The following CFAP410 variants were observed in gnomAD, a reference collection of about 807,000 sequenced individuals.
The protein encoded by CFAP410 is cilia and flagella associated protein 410.
Under a neutral mutation model 25.7 loss-of-function variants are expected in CFAP410, and 27 were observed. The ratio of observed to expected loss-of-function variants is 1.05; its 90% CI spans 0.77 to 1.45. The LOEUF is 1.45. Among genes scored for constraint, CFAP410 ranks in the 40% most tolerant of loss-of-function variants. CFAP410 has a pLI of 0.00. For missense variants in CFAP410, 428 were observed against 354.1 expected, an observed-to-expected ratio of 1.21 and a Z score of -1.67; for synonymous variants, 178 against 158.4, an observed-to-expected ratio of 1.12 and a Z score of -0.93.
At chr21:44,338,222 G>A (rs1159447301) in intron 1 of CFAP410, 12 of 1,200,688 alleles carry the variant, frequency 1.0e-5, no homozygotes, top group Non-Finnish European at 1.3e-5. Flanking sequence ...TAATTAACAG[G>A]GAAGAGCTCA....
intron 3 of CFAP410, chr21:44,333,872 C>T (rs1489587139): frequency 2.8e-6 from 1 of 355,270 alleles, no homozygotes; most frequent in African/African-American, 2.1e-5. Flanking sequence ...TCCCGCAGGC[C>T]CTCAAAGGCG....
rs540448415 is a variant in CFAP410 at position 44,339,200 on chromosome 21, C to T, written c.-6G>A. 6.9e-6 allele frequency: 10 copies of T among 1,444,554 alleles called. No homozygotes were observed. Among genetic ancestry groups the T allele is most frequent in the Admixed American group, 5.6e-5 (2 of 35,402 alleles). The allele number at this position is 1,444,554 out of a possible 1,614,324, so 89.5% of individuals were successfully genotyped here. Reference sequence around the variant, plus strand: ...ATCTTCCGCGTCAGCTTCATGGCGGCCGCCCAGGCCCGACCGGCGGGCGCC... The same window carrying T: ...ATCTTCCGCGTCAGCTTCATGGCGGTCGCCCAGGCCCGACCGGCGGGCGCC... On this transcript the variant is annotated 5_prime_UTR_variant, in exon 1 of 7. Transcript: ENST00000339818.
intron 3 of CFAP410, chr21:44,334,224 C>T (rs59596996): frequency 0.039 from 17,924 of 456,262 alleles, 2,210 homozygotes; most frequent in African/African-American, 0.28. Flanking sequence ...GTCAACACCC[C>T]TGGGGTCCTG....
intron 3 of CFAP410, chr21:44,334,520 CCCCCCCCCCCCCCG>C (rs2047715651): frequency 5.8e-6 from 1 of 173,268 alleles, no homozygotes; most frequent in Admixed American, 8.0e-5. Context: ...CACGCGCACC[CCCCCCCCCCCCCCG>C]CTCAACCTCT....
chr21:44,330,587 A>G lies in CFAP410; in HGVS notation c.642+236T>C, dbSNP rs747087043. 21 of 1,549,884 alleles carry G rather than the reference A, an allele frequency of 1.4e-5. No homozygotes were observed. The South Asian group carries it at 2.4e-4, about 18-fold the overall frequency. The stretch of plus-strand genomic sequence containing the variant: ...GGGCCCACATTCCACAGACCAGGAC[A>G]GCAGGAGAGGCTGAGGGGCCAGGAC... On this transcript the variant is annotated intron_variant, in intron 6 of 6. Coordinates refer to ENST00000339818, the MANE Select transcript of CFAP410 (RefSeq NM_004928.3).
At chr21:44,334,347 C>T (rs1221706349) in intron 3 of CFAP410, 1 of 440,676 alleles carries the variant, frequency 2.3e-6, no homozygotes, top group South Asian at 1.6e-5. Flanking sequence ...GATCCACAGC[C>T]CCGCCCCAAG....
At chr21:44,330,668 C>T (rs2047629118) in intron 6 of CFAP410, 155 bp downstream of exon 6, 1 of 1,548,460 alleles carries the variant, frequency 6.5e-7, no homozygotes, top group East Asian at 2.4e-5. Context: ...CCCGCACACG[C>T]AGCTCCCCCT....
chr21:44,338,163 G>A (rs1224943686), intron 1 of CFAP410: 5 of 725,226 alleles, frequency 6.9e-6, no homozygotes, highest in Non-Finnish European at 9.5e-6. Flanking sequence ...AATGACACGG[G>A]AATTGTAGCC....
In CFAP410 at chr21:44,330,295, C is replaced by CGCA. The variant is rs767848858; in HGVS notation, c.671_673dup (p.Leu224dup). The CGCA allele has an allele frequency of 2.1e-4, 335 of 1,610,008 alleles. No individual in the cohort carries two copies. The highest frequency in any genetic ancestry group is 1.2e-4 in the Non-Finnish European group (145 of 1,178,758). Reference sequence around the variant, plus strand: ...CTCCAGCCCCTCTGCATCCAGCTCCCGCAGCAGCAGCAGGATGGCAGTCAG... The same window carrying CGCA: ...CTCCAGCCCCTCTGCATCCAGCTCCCGCAGCAGCAGCAGCAGGATGGCAGTCAG... On this transcript the variant is annotated inframe_insertion, in exon 7 of 7. Transcript: ENST00000339818.
At chr21:44,338,875 T>C (rs1344864067) in intron 1 of CFAP410, 1 of 74,274 alleles carries the variant, frequency 1.3e-5, no homozygotes, top group Admixed American at 1.3e-4. Flanking sequence ...GGCTCCGCCC[T>C]CGTCCCGCCC....
intron 3 of CFAP410, 123 bp downstream of exon 3, chr21:44,335,635 C>T: frequency 1.3e-6 from 1 of 754,352 alleles, no homozygotes; most frequent in Non-Finnish European, 2.2e-6. Context: ...CTTCTGGAAG[C>T]CGCCCTCAGT....
intron 1 of CFAP410, 41 bp from the exon 2 acceptor site, chr21:44,337,708 T>A: frequency 6.3e-7 from 1 of 1,581,512 alleles, no homozygotes; most frequent in Admixed American, 1.7e-5. Context: ...TTGTTAAAGT[T>A]GAATAAAAAA....
chr21:44,338,838 C>T (rs2047806980), intron 1 of CFAP410: 1 of 115,462 alleles, frequency 8.7e-6, no homozygotes, highest in Admixed American at 8.2e-5. Context: ...CCGGCTCCGC[C>T]CTCGTCCCGC....
chr21:44,330,659 C>G (rs903551399), intron 6 of CFAP410, 164 bp downstream of exon 6: 10 of 1,548,432 alleles, frequency 6.5e-6, no homozygotes, highest in Middle Eastern at 1.7e-4. Context: ...ATTCACAGAC[C>G]CGCACACGCA....
intron 3 of CFAP410, chr21:44,334,526 C>CTCTGGGCGGGCACGCGCA (rs1354799832): frequency 0.024 from 651 of 27,282 alleles, 171 homozygotes; most frequent in African/African-American, 0.065. Flanking sequence ...CACCCCCCCC[C>CTCTGGGCGGGCACGCGCA]CCCCCCCGCT....
rs749857385 is a variant in CFAP410 at position 44,337,608 on chromosome 21, GATGATCAGTGCA to G, written c.96+29_96+40del. On this transcript the variant is annotated intron_variant, in intron 2 of 6. Coordinates refer to ENST00000339818, the MANE Select transcript of CFAP410 (RefSeq NM_004928.3). Reference sequence around the variant, plus strand: ...AACATTTGGGTTGAGGCTATTTGGAGATGATCAGTGCAATACTTACATCTGTGAGGCAATACT... The same window carrying G: ...AACATTTGGGTTGAGGCTATTTGGAGATACTTACATCTGTGAGGCAATACT... 75 of 1,588,426 alleles carry G rather than the reference GATGATCAGTGCA, an allele frequency of 4.7e-5. 1 individual carries two copies. The highest frequency in any genetic ancestry group is 1.6e-4 in the East Asian group (7 of 44,740).
rs1357843573 is a variant in CFAP410, at chr21:44,339,147, C to T, written c.48G>A (p.Glu16=). The T allele has an allele frequency of 2.7e-6, 4 of 1,473,830 alleles. No individual in the cohort carries two copies. Among genetic ancestry groups the T allele is most frequent in the Non-Finnish European group, 2.7e-6 (3 of 1,109,122 alleles). The allele number at this position is 1,473,830 out of a possible 1,614,324, so 91.3% of individuals were successfully genotyped here. Residue 16 remains glutamate (E), a synonymous_variant, in exon 1 of 7, where the codon GAG becomes GAA. Coordinates refer to ENST00000339818, the MANE Select transcript of CFAP410 (RefSeq NM_004928.3). ...AGTTGAGCTTGCGCACGCTGTGCAG[C>T]TCCGAGGCCTTGGCCCGGGTCAGAA... ...KMVLTRAKAS[E]LHSVRKLNCW... is the part of the protein sequence containing the mutation.
intron 1 of CFAP410, 111 bp from the exon 2 acceptor site, chr21:44,337,778 G>C: frequency 1.2e-6 from 1 of 841,934 alleles, no homozygotes; most frequent in Non-Finnish European, 1.9e-6. Context: ...AAGATTCTAG[G>C]ATTTTAATGG....
rs9976610 is a variant in CFAP410 at position 44,333,056 on chromosome 21, C to T, written c.350G>A (p.Arg117His). 4.9e-3 allele frequency: 7,860 copies of T among 1,598,578 alleles called. 320 individuals are homozygous for T. The African/African-American group carries it at 0.087, about 18-fold the overall frequency. Residue 117 changes from arginine (R) to histidine (H), a missense_variant, in exon 4 of 7, where the codon CGC becomes CAC. Physicochemically the swap from Arg to His is conservative, Grantham distance 29. Transcript: ENST00000339818. ...ACCCTGGTTGTCCAGCTTCTGTAGG[C>T]GCGGCAGGGTGCGCAGCACGGTCAT... is the stretch of plus-strand genomic sequence containing the variant. Reference protein sequence around the residue: ...YRMTVLRTLPRLQKLDNQAVT... With the variant: ...YRMTVLRTLPHLQKLDNQAVT...
Sources: allele counts gnomAD v4.1 joint callset, GRCh38; gene constraint gnomAD v4.1.1; transcripts MANE v1.5; gene names NCBI Gene and HGNC (gene_info 2026-07-23, HGNC 2026-07-21).